DLG2: variants seen among roughly 807,000 people sequenced by gnomAD.
DLG2 encodes discs large MAGUK scaffold protein 2, also known as disks large homolog 2.
A neutral mutation model predicts 132.5 loss-of-function variants in DLG2; 45 were observed. The ratio of observed to expected loss-of-function variants is 0.34; its 90% confidence interval spans 0.27 to 0.44. The LOEUF is 0.44. DLG2 is among the 20% of genes least tolerant of loss of function. The probability of loss-of-function intolerance (pLI) is 1.00; values close to 1 mark genes in which losing one functional copy is unlikely to be tolerated. For synonymous variants in DLG2, 424 were observed against 419.6 expected (o/e 1.01, Z -0.13); for missense variants, 1,045 against 1,196.9 (o/e 0.87, Z 1.87).
At chr11:84,007,416 A>G (rs2154057345) in intron 11 of DLG2, among the ~76,000 whole-genome samples, 1 of 151,838 alleles carries the variant, frequency 6.6e-6, no homozygotes, top group Middle Eastern at 3.4e-3. Flanking sequence ...ATTTTATTGC[A>G]ACTAAATATC....
intron 16 of DLG2, among the ~76,000 whole-genome samples, chr11:83,849,896 C>T (rs1045478569): frequency 1.3e-5 from 2 of 152,020 alleles, no homozygotes; most frequent in Non-Finnish European, 2.9e-5. Context: ...CTCCAGTACC[C>T]AGCAAAATGT....
chr11:84,970,618 C>T (rs2053975790), intron 6 of DLG2, among the ~76,000 whole-genome samples: 1 of 152,146 alleles, frequency 6.6e-6, no homozygotes, highest in Admixed American at 6.6e-5. Flanking sequence ...CCCTCAAAGC[C>T]TCCATTTCCT....
intron 3 of DLG2, among the ~76,000 whole-genome samples, chr11:85,538,154 T>C (rs894920983): frequency 2.0e-5 from 3 of 151,744 alleles, no homozygotes; most frequent in East Asian, 3.9e-4. Context: ...AAAAGAACTG[T>C]AACACTCACT....
chr11:85,501,409 C>G (rs970612330), intron 3 of DLG2, among the ~76,000 whole-genome samples: 1 of 151,924 alleles, frequency 6.6e-6, no homozygotes, highest in Non-Finnish European at 1.5e-5. Flanking sequence ...AAAAGCCAAA[C>G]TAGACAAATG....
chr11:84,204,323 AAAATAG>A (rs1184930367), intron 8 of DLG2, among the ~76,000 whole-genome samples: 1 of 152,222 alleles, frequency 6.6e-6, no homozygotes. Flanking sequence ...AGTAACACAA[AAAATAG>A]AAATAGAGAA....
intron 3 of DLG2, among the ~76,000 whole-genome samples, chr11:85,442,928 A>G (rs748361124): frequency 1.3e-5 from 2 of 152,036 alleles, no homozygotes; most frequent in Non-Finnish European, 2.9e-5. Flanking sequence ...AAAGAAGAAG[A>G]AGGAGGAAGA....
At chr11:84,888,961 T>C (rs1045895939) in intron 6 of DLG2, among the ~76,000 whole-genome samples, 25 of 152,142 alleles carry the variant, frequency 1.6e-4, no homozygotes, top group African/African-American at 5.6e-4. Flanking sequence ...TTATGAAAGA[T>C]TGACACAATT....
At chr11:84,595,671 A>T (rs916531309) in intron 6 of DLG2, among the ~76,000 whole-genome samples, 1 of 152,126 alleles carries the variant, frequency 6.6e-6, no homozygotes, top group African/African-American at 2.4e-5. Context: ...TTACTGTTTC[A>T]TTTCTTCCGG....
chr11:84,430,440 A>C (rs1260927616), intron 7 of DLG2, among the ~76,000 whole-genome samples: 3 of 123,868 alleles, frequency 2.4e-5, no homozygotes, highest in African/African-American at 1.0e-4. Flanking sequence ...TCCATCTCAA[A>C]AAAAAAAAAG....
intron 17 of DLG2, among the ~76,000 whole-genome samples, chr11:83,803,799 A>T (rs1419758348): frequency 6.6e-6 from 1 of 152,138 alleles, no homozygotes; most frequent in Non-Finnish European, 1.5e-5. Context: ...CTCCAGAGAC[A>T]TATCTGTCAA....
intron 3 of DLG2, among the ~76,000 whole-genome samples, chr11:85,301,598 A>G (rs1479436467): frequency 1.3e-5 from 2 of 152,186 alleles, no homozygotes; most frequent in African/African-American, 4.8e-5. Context: ...CTTACTGTAG[A>G]AATGAAAAAA....
At chr11:84,493,449 C>T (rs2099170590) in intron 7 of DLG2, among the ~76,000 whole-genome samples, 1 of 152,092 alleles carries the variant, frequency 6.6e-6, no homozygotes, top group African/African-American at 2.4e-5. Flanking sequence ...CCACCCCCTT[C>T]CCATCCTCTC....
chr11:84,762,384 C>T (rs2000816), intron 6 of DLG2, among the ~76,000 whole-genome samples: 75,049 of 151,922 alleles, frequency 0.49, 18,683 homozygotes, highest in Middle Eastern at 0.52. Context: ...ATACAATGCT[C>T]GGAATCTGTG....
intron 18 of DLG2, among the ~76,000 whole-genome samples, chr11:83,710,406 C>T (rs141350222): frequency 1.3e-5 from 2 of 152,180 alleles, no homozygotes; most frequent in East Asian, 1.9e-4. Context: ...AAGTGATCCA[C>T]CCCCGCTCAG....
chr11:83,802,929 T>C (rs2044867873), intron 17 of DLG2, among the ~76,000 whole-genome samples: 1 of 149,612 alleles, frequency 6.7e-6, no homozygotes, highest in African/African-American at 2.6e-5. Flanking sequence ...ATGGGTTACA[T>C]TTCATTTTAT....
chr11:85,346,653 A>C (rs2082871908), intron 3 of DLG2, among the ~76,000 whole-genome samples: 2 of 152,192 alleles, frequency 1.3e-5, no homozygotes, highest in Non-Finnish European at 2.9e-5. Flanking sequence ...ATCTAGAGGC[A>C]AGAAATGTCT....
At chr11:84,429,566 G>C (rs1293496851) in intron 7 of DLG2, among the ~76,000 whole-genome samples, 1 of 152,098 alleles carries the variant, frequency 6.6e-6, no homozygotes, top group Non-Finnish European at 1.5e-5. Context: ...ATTTATAATG[G>C]TTTAATAATT....
At chr11:85,490,676 C>A (rs2093537163) in intron 3 of DLG2, among the ~76,000 whole-genome samples, 1 of 151,974 alleles carries the variant, frequency 6.6e-6, no homozygotes, top group South Asian at 2.1e-4. Flanking sequence ...ACTATATGCT[C>A]ACAAACTATA....
intron 18 of DLG2, among the ~76,000 whole-genome samples, chr11:83,668,319 C>T (rs370906443): frequency 6.6e-6 from 1 of 152,136 alleles, no homozygotes; most frequent in Non-Finnish European, 1.5e-5. Context: ...GGCTCATCTA[C>T]CACTCTTCTC....
Sources: gnomAD v4.1 joint callset for allele counts (sites outside exome capture counted in the v4.1 genomes callset) on GRCh38, gnomAD v4.1.1 for gene constraint, MANE v1.5 for transcripts, NCBI Gene and HGNC (gene_info 2026-07-23, HGNC 2026-07-21) for gene names.